The following PAK2 variants were observed in gnomAD, a reference collection of about 807,000 sequenced individuals.
PAK2 encodes p21 (RAC1) activated kinase 2.
PAK2 carries 21 observed loss-of-function variants against 65.9 expected under a neutral mutation model. That is an observed-to-expected ratio of 0.32 (90% confidence interval 0.23 to 0.46). The LOEUF is 0.46. Ranked by LOEUF, PAK2 falls within the 20% of genes least tolerant of loss-of-function variation. The probability of loss-of-function intolerance (pLI) is 1.00; values close to 1 mark genes in which losing one functional copy is unlikely to be tolerated. For synonymous variants in PAK2, 204 were observed against 219.7 expected, an observed-to-expected ratio of 0.93 and a Z score of 0.63; for missense variants, 324 against 642.6, an observed-to-expected ratio of 0.50 and a Z score of 5.36.
rs1491521540 is a variant in PAK2 at position 196,751,663 on chromosome 3, T to TTTTATATATATATATATA, written c.-22+11507_-22+11508insTTATATATATATATATAT. 8.8e-4 allele frequency among the ~76,000 whole-genome samples: 40 copies of TTTTATATATATATATATA among 45,710 alleles called. 1 individual carries two copies. Among genetic ancestry groups the TTTTATATATATATATATA allele is most frequent in the African/African-American group, 4.3e-3 (38 of 8,766 alleles). The allele number at this position is 45,710 out of a possible 152,430, so 30.0% of individuals were successfully genotyped here. A position where few individuals can be genotyped will look rare whatever the true frequency, so the allele number is the denominator to read the frequency against. The stretch of plus-strand genomic sequence containing the variant: ...CTGTCCCCCCAAAAAACACACAAAT[T>TTTTATATATATATATATA]TATTTATATACATATATATATATAT... On this transcript the variant is annotated intron_variant, in intron 1 of 14. Transcript: ENST00000327134.
chr3:196,806,597 G>C lies in PAK2; in HGVS notation c.487G>C (p.Glu163Gln), dbSNP rs1432999333. 2 of 1,611,606 alleles carry C rather than the reference G, an allele frequency of 1.2e-6. No homozygotes were observed. Among genetic ancestry groups the C allele is most frequent in the African/African-American group, 2.7e-5 (2 of 74,888 alleles). ...AATGCAGCTGAATGCCAAGGGAACAGAAGCACCCGCAGTAGTGACAGAGGA... is the reference window on the plus strand; with the variant it reads ...AATGCAGCTGAATGCCAAGGGAACACAAGCACCCGCAGTAGTGACAGAGGA... ...GTPALNAKGTEAPAVVTEEED... is the reference protein window; with the variant it reads ...GTPALNAKGTQAPAVVTEEED... The change falls in exon 6 of 15, where the codon GAA (glutamate) becomes CAA (glutamine). Residue 163 changes from glutamate to glutamine, a missense_variant. This residue lies in a region of PAK2 where 183 missense variants were observed against 246.2 expected (regional missense o/e 0.74). Coordinates refer to ENST00000327134, the MANE Select transcript of PAK2 (RefSeq NM_002577.4).
At chr3:196,776,029 G>C (rs1714523608) in intron 1 of PAK2, among the ~76,000 whole-genome samples, 1 of 152,232 alleles carries the variant, frequency 6.6e-6, no homozygotes. Context: ...GAAGGGTAAA[G>C]ATGGAGTACG....
At chr3:196,782,500 T>A (rs1355194698) in intron 1 of PAK2, 126 bp from the exon 2 acceptor site, 1 of 573,032 alleles carries the variant, frequency 1.7e-6, no homozygotes, top group Non-Finnish European at 3.2e-6. Context: ...TTCCAGATTT[T>A]GCAAATGTCA....
chr3:196,825,538 A>G (rs1175985723), intron 13 of PAK2, among the ~76,000 whole-genome samples: 3 of 148,796 alleles, frequency 2.0e-5, no homozygotes, highest in Middle Eastern at 3.6e-3. Flanking sequence ...AGCTACTCGG[A>G]AGGCTGAGGC....
At chr3:196,740,262 G>A (rs1463726319) in intron 1 of PAK2, 105 bp downstream of exon 1, 1 of 151,888 alleles carries the variant, frequency 6.6e-6, no homozygotes, top group Non-Finnish European at 1.5e-5. Context: ...CGGCCGACCT[G>A]CCCCGCGCGG....
At chr3:196,798,344 T>A (rs1321099105) in intron 2 of PAK2, among the ~76,000 whole-genome samples, 3 of 120,760 alleles carry the variant, frequency 2.5e-5, no homozygotes, top group Non-Finnish European at 5.7e-5. Context: ...TTTTTTTTCT[T>A]TTCTCTTTTT....
intron 1 of PAK2, among the ~76,000 whole-genome samples, chr3:196,749,772 T>TTA (rs1180875332): frequency 7.9e-5 from 12 of 152,294 alleles, no homozygotes; most frequent in Admixed American, 7.8e-4. Context: ...GCATGTCATG[T>TTA]TATCATTGTT....
intron 2 of PAK2, among the ~76,000 whole-genome samples, chr3:196,794,959 T>G (rs1177142873): frequency 6.6e-6 from 1 of 151,792 alleles, no homozygotes; most frequent in Non-Finnish European, 1.5e-5. Flanking sequence ...AGAAAGAAAA[T>G]CAACAGGTAA....
intron 1 of PAK2, among the ~76,000 whole-genome samples, chr3:196,754,724 G>C (rs753985229): frequency 2.6e-5 from 4 of 152,138 alleles, no homozygotes; most frequent in Admixed American, 1.3e-4. Flanking sequence ...ACACAGCCCC[G>C]CTGGAACCTT....
Position 196,793,489 on chromosome 3 carries a change from A to T in PAK2, c.188-8438A>T, listed in dbSNP as rs79543783. On this transcript the variant is annotated intron_variant, in intron 2 of 14. Transcript: ENST00000327134. Reference sequence around the variant, plus strand: ...TAGTGTTAAGGTTGGCTTAACTCCCAGTTAGCTTTTTAATACTTTCTATAT... The same window carrying T: ...TAGTGTTAAGGTTGGCTTAACTCCCTGTTAGCTTTTTAATACTTTCTATAT... 2.9e-3 allele frequency among the ~76,000 whole-genome samples: 448 copies of T among 152,330 alleles called. 2 individuals are homozygous for T. Among genetic ancestry groups the T allele is most frequent in the African/African-American group, 0.01 (418 of 41,578 alleles).
rs973161906 is a variant in PAK2, at chr3:196,765,430, C to T, written c.-21-17196C>T. 3.4e-4 allele frequency among the ~76,000 whole-genome samples: 52 copies of T among 151,988 alleles called. 1 individual carries two copies. The highest frequency in any genetic ancestry group is 1.2e-3 in the African/African-American group (51 of 41,386). On this transcript the variant is annotated intron_variant, in intron 1 of 14. Transcript: ENST00000327134. ...TCCTGAGTAACTGGGATTACAGGTG[C>T]GAGCCACCGCATCCAGCCTGCCAAA...
At chr3:196,745,540 G>A (rs1713346908) in intron 1 of PAK2, among the ~76,000 whole-genome samples, 1 of 152,152 alleles carries the variant, frequency 6.6e-6, no homozygotes, top group Non-Finnish European at 1.5e-5. Flanking sequence ...TTGGCCGGGT[G>A]CAGTGGCTTA....
chr3:196,826,480 TTTTTG>T (rs1468590608), intron 13 of PAK2, among the ~76,000 whole-genome samples: 1 of 152,110 alleles, frequency 6.6e-6, no homozygotes, highest in Non-Finnish European at 1.5e-5. Context: ...CCTTGGTTTT[TTTTTG>T]TTTTGTTTTT....
chr3:196,812,039 G>A (rs1205425371), intron 8 of PAK2, among the ~76,000 whole-genome samples, 180 bp from the exon 9 acceptor site: 1 of 151,976 alleles, frequency 6.6e-6, no homozygotes, highest in Non-Finnish European at 1.5e-5. Context: ...TTTGCCGTAA[G>A]GATTGTCTCT....
In PAK2 at chr3:196,810,677, G is replaced by A. The variant is rs765858988; in HGVS notation, c.773+24G>A. On this transcript the variant is annotated intron_variant, in intron 8 of 14. Coordinates refer to ENST00000327134, the MANE Select transcript of PAK2 (RefSeq NM_002577.4). Reference sequence around the variant, plus strand: ...GGGTAAGTATTTGTGACTGTATTACGATAATATTCAGTATTCAGTATTTCC... The same window carrying A: ...GGGTAAGTATTTGTGACTGTATTACAATAATATTCAGTATTCAGTATTTCC... The A allele has an allele frequency of 2.5e-5, 28 of 1,133,122 alleles. 1 individual carries two copies. The highest frequency in any genetic ancestry group is 3.9e-4 in the Middle Eastern group (2 of 5,100). The allele number at this position is 1,133,122 out of a possible 1,614,324, so 70.2% of individuals were successfully genotyped here.
At chr3:196,822,968 G>A (rs531947449) in intron 13 of PAK2, among the ~76,000 whole-genome samples, 11 of 152,168 alleles carry the variant, frequency 7.2e-5, no homozygotes, top group Admixed American at 5.2e-4. Context: ...AGGCCAGACC[G>A]TAGTGCCTTA....
chr3:196,781,438 A>C (rs970636518), intron 1 of PAK2, among the ~76,000 whole-genome samples: 16 of 152,190 alleles, frequency 1.1e-4, no homozygotes, highest in Non-Finnish European at 7.3e-5. Flanking sequence ...TCACTGAATT[A>C]GCCATGTAGC....
chr3:196,785,530 C>G (rs1354831614), intron 2 of PAK2, among the ~76,000 whole-genome samples: 1 of 152,122 alleles, frequency 6.6e-6, no homozygotes, highest in Non-Finnish European at 1.5e-5. Flanking sequence ...TTAAATTGGC[C>G]TTTCCCTGAT....
rs565338508 is a variant in PAK2 at position 196,798,033 on chromosome 3, G to C, written c.188-3894G>C. On this transcript the variant is annotated intron_variant, in intron 2 of 14. Coordinates refer to ENST00000327134, the MANE Select transcript of PAK2 (RefSeq NM_002577.4). ...ATTTTAAATCAATGACTTTAGCTAA[G>C]CCATCTTAATAAACTAGAAGGGAAG... Among the ~76,000 whole-genome samples, 8 of 152,208 alleles carry C rather than the reference G, an allele frequency of 5.3e-5. No homozygotes were observed. The East Asian group carries it at 1.3e-3, about 26-fold the overall frequency.
Sources: gnomAD v4.1 joint callset for allele counts (sites outside exome capture counted in the v4.1 genomes callset) on GRCh38, gnomAD v4.1.1 for gene constraint, gnomAD v4.1.1 regional missense constraint, MANE v1.5 for transcripts, NCBI Gene and HGNC (gene_info 2026-07-23, HGNC 2026-07-21) for gene names.